The following TMEM163 variants were observed in gnomAD, a reference collection of about 807,000 sequenced individuals.
TMEM163 encodes transmembrane protein 163.
Under a neutral mutation model 29.3 loss-of-function variants are expected in TMEM163, and 17 were observed. The ratio of observed to expected loss-of-function variants is 0.58; its 90% CI spans 0.40 to 0.87. The LOEUF (loss-of-function observed/expected upper bound fraction) is 0.87. Ranked by LOEUF, TMEM163 falls within the 40% of genes least tolerant of loss-of-function variation. TMEM163 has a pLI of 0.00. For missense variants in TMEM163, 303 were observed against 381.5 expected (o/e 0.79, Z 1.71); for synonymous variants, 157 against 160.6 (o/e 0.98, Z 0.17).
chr2:134,705,312 T>G (rs1319865997), intron 2 of TMEM163, among the ~76,000 whole-genome samples: 1 of 151,982 alleles, frequency 6.6e-6, no homozygotes, highest in Admixed American at 6.5e-5. Flanking sequence ...TAAGTTCAAG[T>G]GAGGTCATTA....
intron 2 of TMEM163, among the ~76,000 whole-genome samples, chr2:134,597,164 G>T (rs1682106294): frequency 6.6e-6 from 1 of 152,150 alleles, no homozygotes; most frequent in Non-Finnish European, 1.5e-5. Context: ...AATAGGAGTG[G>T]TGAGAGAGGG....
chr2:134,468,100 C>T (rs1268478579), intron 5 of TMEM163: 1 of 152,058 alleles, frequency 6.6e-6, no homozygotes, highest in Non-Finnish European at 1.5e-5. Flanking sequence ...GAGACAGCAC[C>T]CACAGAAAAT....
intron 2 of TMEM163, among the ~76,000 whole-genome samples, chr2:134,680,938 C>A (rs1684217416): frequency 6.6e-6 from 1 of 152,120 alleles, no homozygotes; most frequent in South Asian, 2.1e-4. Flanking sequence ...ACACAGTAAG[C>A]GTAAAGATGA....
intron 2 of TMEM163, among the ~76,000 whole-genome samples, chr2:134,592,599 G>A (rs955142968): frequency 6.6e-6 from 1 of 152,058 alleles, no homozygotes; most frequent in African/African-American, 2.4e-5. Flanking sequence ...AACAAGGCGT[G>A]TGCTCCCTTC....
chr2:134,505,417 G>T (rs968235374), intron 4 of TMEM163, among the ~76,000 whole-genome samples: 2 of 152,042 alleles, frequency 1.3e-5, no homozygotes, highest in African/African-American at 4.8e-5. Context: ...TCCCTAGGAA[G>T]CTTCCACTGT....
At chr2:134,644,670 A>C (rs1198017097) in intron 2 of TMEM163, among the ~76,000 whole-genome samples, 1 of 152,206 alleles carries the variant, frequency 6.6e-6, no homozygotes, top group African/African-American at 2.4e-5. Context: ...AAAATTTTAG[A>C]AAAAACATAG....
chr2:134,650,446 C>G (rs1390074757), intron 2 of TMEM163, among the ~76,000 whole-genome samples: 2 of 151,508 alleles, frequency 1.3e-5, no homozygotes, highest in East Asian at 3.9e-4. Context: ...AGAATCATAT[C>G]ATCAATGAAG....
intron 4 of TMEM163, among the ~76,000 whole-genome samples, chr2:134,512,286 C>T (rs936065111): frequency 2.6e-5 from 4 of 152,096 alleles, no homozygotes; most frequent in Non-Finnish European, 5.9e-5. Flanking sequence ...GGTGAAACCC[C>T]ATCTCTAATA....
At chr2:134,678,505 T>A (rs1684166555) in intron 2 of TMEM163, among the ~76,000 whole-genome samples, 2 of 152,236 alleles carry the variant, frequency 1.3e-5, no homozygotes, top group African/African-American at 4.8e-5. Context: ...CCAGTTTACA[T>A]ATAAATCCTC....
chr2:134,591,252 T>A (rs941159817), intron 2 of TMEM163, among the ~76,000 whole-genome samples: 1 of 152,220 alleles, frequency 6.6e-6, no homozygotes, highest in Non-Finnish European at 1.5e-5. Context: ...TCACCCTTTG[T>A]GTCCATGCTC....
intron 2 of TMEM163, among the ~76,000 whole-genome samples, chr2:134,690,785 T>G (rs1684448036): frequency 6.6e-6 from 1 of 152,196 alleles, no homozygotes; most frequent in Non-Finnish European, 1.5e-5. Flanking sequence ...TTAGACCTTG[T>G]ATAATCACAG....
intron 4 of TMEM163, among the ~76,000 whole-genome samples, chr2:134,529,915 G>C (rs984669832): frequency 2.0e-5 from 3 of 151,978 alleles, no homozygotes; most frequent in African/African-American, 7.3e-5. Context: ...TGGAGGCGTG[G>C]AAGGCTACCA....
Position 134,456,709 on chromosome 2 carries a change from G to GC in TMEM163, c.*6dup. Reference sequence around the variant, plus strand: ...TCTCGATGGTCTCATGCGGATGCTGGCCCCCTTCACTCAAACATCTCGTAG... The same window carrying GC: ...TCTCGATGGTCTCATGCGGATGCTGGCCCCCCTTCACTCAAACATCTCGTAG... On this transcript the variant is annotated 3_prime_UTR_variant, in exon 8 of 8. Coordinates refer to ENST00000281924, the MANE Select transcript of TMEM163 (RefSeq NM_030923.5). 6.2e-7 allele frequency: 1 copy of GC among 1,613,848 alleles called. No individual in the cohort carries two copies. Among genetic ancestry groups the GC allele is most frequent in the Non-Finnish European group, 8.5e-7 (1 of 1,179,940 alleles).
chr2:134,585,710 C>T (rs902629143), intron 2 of TMEM163, among the ~76,000 whole-genome samples: 2 of 150,544 alleles, frequency 1.3e-5, no homozygotes, highest in African/African-American at 4.9e-5. Context: ...CCACTGCACT[C>T]CAGCCTGGGC....
intron 4 of TMEM163, among the ~76,000 whole-genome samples, chr2:134,538,059 C>T (rs1042086922): frequency 1.3e-5 from 2 of 152,220 alleles, no homozygotes; most frequent in African/African-American, 4.8e-5. Flanking sequence ...GGCAATTCCT[C>T]AAATGTTAAG....
At chr2:134,482,875 G>A (rs543718036) in intron 5 of TMEM163, among the ~76,000 whole-genome samples, 4 of 152,292 alleles carry the variant, frequency 2.6e-5, no homozygotes, top group South Asian at 2.1e-4. Flanking sequence ...CCAGCCAAGA[G>A]ACATCAGGTT....
In TMEM163 at chr2:134,581,031, C is replaced by T. The variant is rs779636727; in HGVS notation, c.323-28940G>A. ...TCTGGGGCTCAATTCAGTCCCTGGA[C>T]CCTCTAATGAAGACCTAAACTTCCT... On this transcript the variant is annotated intron_variant, in intron 2 of 7. Coordinates refer to ENST00000281924, the MANE Select transcript of TMEM163 (RefSeq NM_030923.5). Among the ~76,000 whole-genome samples the T allele has an allele frequency of 9.2e-5, 14 of 152,230 alleles. 1 individual carries two copies. The East Asian group carries it at 2.1e-3, about 23-fold the overall frequency.
intron 2 of TMEM163, among the ~76,000 whole-genome samples, chr2:134,684,921 T>TAA (rs1684322108): frequency 1.0e-5 from 1 of 100,162 alleles, no homozygotes. Context: ...AGACCCTGTC[T>TAA]CAAAAAAAAA....
chr2:134,701,302 A>G (rs1273805435), intron 2 of TMEM163, among the ~76,000 whole-genome samples: 1 of 152,244 alleles, frequency 6.6e-6, no homozygotes, highest in Non-Finnish European at 1.5e-5. Flanking sequence ...AACAGACTCC[A>G]GAAAGCAAAC....
Sources: allele counts gnomAD v4.1 joint callset (sites outside exome capture counted in the v4.1 genomes callset), GRCh38; gene constraint gnomAD v4.1.1; transcripts MANE v1.5; gene names NCBI Gene and HGNC (gene_info 2026-07-23, HGNC 2026-07-21).